CFAP54: variants seen among roughly 807,000 people sequenced by gnomAD.
The protein encoded by CFAP54 is cilia- and flagella-associated protein 54.
Under a neutral mutation model 370.4 loss-of-function variants are expected in CFAP54, and 290 were observed. The observed-to-expected ratio is 0.78, with a 90% confidence interval of 0.71 to 0.86. CFAP54 has a LOEUF of 0.86. CFAP54 is among the 40% of genes least tolerant of loss of function. The pLI is 0.00. For missense variants in CFAP54, 3,399 were observed against 3,528.7 expected (o/e 0.96, Z 0.93); for synonymous variants, 1,206 against 1,236.5 (o/e 0.98, Z 0.52).
chr12:96,498,169 AC>A (rs1954979830), intron 1 of CFAP54, among the ~76,000 whole-genome samples: 1 of 152,064 alleles, frequency 6.6e-6, no homozygotes, highest in African/African-American at 2.4e-5. Context: ...CTGGATCAAA[AC>A]CCCTTTTCTG....
At chr12:96,723,679 T>A (rs187673434) in intron 50 of CFAP54, among the ~76,000 whole-genome samples, 33 of 152,096 alleles carry the variant, frequency 2.2e-4, no homozygotes, top group African/African-American at 7.0e-4. Flanking sequence ...TTTCTTTTTT[T>A]AAATTATTAT....
chr12:96,518,875 A>G (rs773696902), intron 5 of CFAP54, 53 bp from the exon 6 acceptor site: 6 of 1,458,468 alleles, frequency 4.1e-6, no homozygotes, highest in African/African-American at 2.8e-5. Context: ...TAATACAATT[A>G]TCATTATTAA....
chr12:96,818,045 C>T, intron 65 of CFAP54, 132 bp downstream of exon 65: 5 of 613,698 alleles, frequency 8.1e-6, no homozygotes, highest in Non-Finnish European at 1.2e-5. Context: ...AGACATGACT[C>T]AACTTTTTGA....
chr12:96,787,358 A>G, intron 62 of CFAP54, among the ~76,000 whole-genome samples: 1 of 152,344 alleles, frequency 6.6e-6, no homozygotes, highest in East Asian at 1.9e-4. Flanking sequence ...ACACTTTAAA[A>G]TAAATTAAAA....
chr12:96,660,805 G>T lies in CFAP54; in HGVS notation c.5460+2459G>T, dbSNP rs528059212. Among the ~76,000 whole-genome samples, 6 of 151,714 alleles carry T rather than the reference G, an allele frequency of 4.0e-5. No individual in the cohort carries two copies. In the East Asian group the frequency reaches 1.2e-3, roughly 29 times the overall value. On this transcript the variant is annotated intron_variant, in intron 38 of 67. Transcript: ENST00000524981. ...CAGTGTTGATCTCAAGCCCCAGGTT[G>T]TGACCTGTGCTTCTGACTGACAGGT...
intron 20 of CFAP54, among the ~76,000 whole-genome samples, chr12:96,580,255 A>G (rs1956018845): frequency 6.6e-6 from 1 of 152,108 alleles, no homozygotes; most frequent in African/African-American, 2.4e-5. Context: ...ACATCTCTGC[A>G]TCTCCATTTC....
At chr12:96,553,072 A>G (rs1357477268) in intron 15 of CFAP54, among the ~76,000 whole-genome samples, 1 of 152,202 alleles carries the variant, frequency 6.6e-6, no homozygotes, top group African/African-American at 2.4e-5. Context: ...GCTTCTGAGC[A>G]AACTCTTGAG....
chr12:96,772,666 C>T (rs1958475356), intron 60 of CFAP54, among the ~76,000 whole-genome samples: 1 of 149,870 alleles, frequency 6.7e-6, no homozygotes, highest in South Asian at 2.1e-4. Flanking sequence ...ACTGCCCAGG[C>T]TGGAGTGCAA....
chr12:96,874,543 C>T (rs1960244414), intron 67 of CFAP54, among the ~76,000 whole-genome samples: 1 of 151,394 alleles, frequency 6.6e-6, no homozygotes, highest in South Asian at 2.1e-4. Context: ...TTCCTTATTA[C>T]ACTCACTCAG....
At chr12:96,736,097 A>G (rs998502607) in intron 50 of CFAP54, among the ~76,000 whole-genome samples, 12 of 152,220 alleles carry the variant, frequency 7.9e-5, no homozygotes, top group African/African-American at 2.7e-4. Flanking sequence ...AAGCCAAATC[A>G]GCCAAAAGGG....
rs1274516967 is a variant in CFAP54, at chr12:96,664,689, G to GTA, written c.5563+763_5563+764dup. Among the ~76,000 whole-genome samples the GTA allele has an allele frequency of 5.7e-4, 15 of 26,288 alleles. 3 individuals are homozygous for GTA. Among genetic ancestry groups the GTA allele is most frequent in the African/African-American group, 1.0e-3 (5 of 4,908 alleles). The allele number at this position is 26,288 out of a possible 152,430, so 17.2% of individuals were successfully genotyped here. A position where few individuals can be genotyped will look rare whatever the true frequency, so the allele number is the denominator to read the frequency against. The stretch of plus-strand genomic sequence containing the variant: ...AATAGAACAATTTATATTCCTTTGG[G>GTA]TATATATCTATATATATATATATAT... On this transcript the variant is annotated intron_variant, in intron 39 of 67. Coordinates refer to ENST00000524981, the MANE Select transcript of CFAP54 (RefSeq NM_001306084.2).
chr12:96,615,037 A>G, intron 26 of CFAP54, among the ~76,000 whole-genome samples: 1 of 152,196 alleles, frequency 6.6e-6, no homozygotes, highest in African/African-American at 2.4e-5. Context: ...GAACCAAAAA[A>G]GAGCCTGCAT....
rs985157985 is a variant in CFAP54 at position 96,560,291 on chromosome 12, C to T, written c.2411-4177C>T. 6.6e-5 allele frequency among the ~76,000 whole-genome samples: 10 copies of T among 152,274 alleles called. 1 individual carries two copies. The highest frequency in any genetic ancestry group is 5.2e-4 in the Admixed American group (8 of 15,296). On this transcript the variant is annotated intron_variant, in intron 17 of 67. Transcript: ENST00000524981. ...TATCCCCCTACCCCCAATCCCTTCC[C>T]AGCCTCTGTTAACCATCATTCGACT... is the stretch of plus-strand genomic sequence containing the variant.
intron 39 of CFAP54, among the ~76,000 whole-genome samples, chr12:96,666,279 TA>T (rs1396213383): frequency 6.6e-6 from 1 of 152,222 alleles, no homozygotes; most frequent in African/African-American, 2.4e-5. Flanking sequence ...TCCATTTCCA[TA>T]ATCAATATAG....
At chr12:96,766,816 A>G (rs1243941398) in intron 60 of CFAP54, among the ~76,000 whole-genome samples, 1 of 152,120 alleles carries the variant, frequency 6.6e-6, no homozygotes, top group African/African-American at 2.4e-5. Context: ...CCCAGTTTTT[A>G]GGGCAGGGAT....
intron 9 of CFAP54, among the ~76,000 whole-genome samples, chr12:96,529,447 G>T (rs1353749118): frequency 6.6e-6 from 1 of 151,938 alleles, no homozygotes; most frequent in Non-Finnish European, 1.5e-5. Flanking sequence ...TTTACAAAGT[G>T]GTTTTTTTTA....
At chr12:96,639,496 A>G (rs1052459765) in intron 32 of CFAP54, among the ~76,000 whole-genome samples, 35 of 152,340 alleles carry the variant, frequency 2.3e-4, no homozygotes, top group African/African-American at 7.7e-4. Flanking sequence ...ATTCTACCAG[A>G]GGTACAAGGA....
At chr12:96,674,150 A>G (rs1394539173) in intron 39 of CFAP54, among the ~76,000 whole-genome samples, 1 of 152,110 alleles carries the variant, frequency 6.6e-6, no homozygotes, top group African/African-American at 2.4e-5. Context: ...TGGAATTTTC[A>G]GCCCTTTGGC....
At chr12:96,656,193 C>T (rs1221589586) in intron 36 of CFAP54, among the ~76,000 whole-genome samples, 2 of 152,124 alleles carry the variant, frequency 1.3e-5, no homozygotes, top group Non-Finnish European at 2.9e-5. Context: ...TGCCAGAAAC[C>T]TCAATCTCCA....
Sources: gnomAD v4.1 joint callset for allele counts (sites outside exome capture counted in the v4.1 genomes callset) on GRCh38, gnomAD v4.1.1 for gene constraint, MANE v1.5 for transcripts, NCBI Gene and HGNC (gene_info 2026-07-23, HGNC 2026-07-21) for gene names.